Variants in CPN1 observed in about 807,000 individuals in gnomAD.
CPN1 encodes carboxypeptidase N catalytic chain.
A neutral mutation model predicts 46.4 loss-of-function variants in CPN1; 37 were observed. The ratio of observed to expected loss-of-function variants is 0.80; its 90% CI spans 0.61 to 1.05. The LOEUF (loss-of-function observed/expected upper bound fraction) is 1.05, where lower values mean the gene tolerates loss of function less well. Ranked by LOEUF, CPN1 falls within the 50% of genes least tolerant of loss-of-function variation. The pLI is 0.00. For synonymous variants in CPN1, 224 were observed against 235.4 expected, an observed-to-expected ratio of 0.95 and a Z score of 0.44; for missense variants, 563 against 602.6, an observed-to-expected ratio of 0.93 and a Z score of 0.69.
intron 2 of CPN1, 112 bp downstream of exon 2, chr10:100,075,793 TCTTTTA>T (rs1276151222): frequency 1.1e-5 from 13 of 1,133,816 alleles, no homozygotes; most frequent in Non-Finnish European, 1.7e-5. Flanking sequence ...GGCCATTTCA[TCTTTTA>T]CTTTTAACAT....
At position 100,045,276 on chromosome 10, in the gene CPN1, T is replaced by G. The variant is rs368066791; in HGVS notation, c.1231-2703A>C. Among the ~76,000 whole-genome samples the G allele has an allele frequency of 1.7e-3, 257 of 152,312 alleles. 2 individuals carry two copies. Among genetic ancestry groups the G allele is most frequent in the African/African-American group, 5.9e-3 (245 of 41,580 alleles). On this transcript the variant is annotated intron_variant, in intron 8 of 8. Transcript: ENST00000370418. ...CAAGAGGACGTGCAGTTGTTTGAAT[T>G]TGGCGTTGAACAGACTTGCTGGTAA...
intron 8 of CPN1, among the ~76,000 whole-genome samples, chr10:100,044,706 A>T (rs2041297964): frequency 6.7e-6 from 1 of 149,390 alleles, no homozygotes; most frequent in African/African-American, 2.5e-5. Flanking sequence ...ACTCTGTAGT[A>T]AACAATCTTT....
intron 6 of CPN1, 81 bp from the exon 7 acceptor site, chr10:100,054,527 C>G: frequency 3.4e-6 from 4 of 1,181,098 alleles, no homozygotes; most frequent in Non-Finnish European, 5.1e-6. Context: ...AGCCCTTTCT[C>G]TTATGTTTTT....
intron 5 of CPN1, among the ~76,000 whole-genome samples, chr10:100,061,864 C>T (rs963177867): frequency 5.3e-5 from 8 of 152,084 alleles, no homozygotes; most frequent in Middle Eastern, 3.2e-3. Context: ...TTTTCAGAGA[C>T]AGGGTCTCGC....
chr10:100,075,540 C>T (rs1357953291), intron 2 of CPN1, among the ~76,000 whole-genome samples: 5 of 152,200 alleles, frequency 3.3e-5, no homozygotes, highest in Admixed American at 3.3e-4. Flanking sequence ...GGGTTTGATG[C>T]TGAAAGTCCA....
intron 7 of CPN1, among the ~76,000 whole-genome samples, chr10:100,053,948 C>T (rs2041369694): frequency 6.6e-6 from 1 of 152,098 alleles, no homozygotes; most frequent in African/African-American, 2.4e-5. Context: ...ACAAGGCTAA[C>T]TATCTGTTTC....
rs1452212991 is a variant in CPN1 at position 100,075,948 on chromosome 10, G to A, written c.383C>T (p.Ser128Phe). 4 of 1,614,032 alleles carry A rather than the reference G, an allele frequency of 2.5e-6. No homozygotes were observed. Among genetic ancestry groups the A allele is most frequent in the Non-Finnish European group, 2.5e-6 (3 of 1,180,042 alleles). The change falls in exon 2 of 9, where the codon TCC (serine) becomes TTC (phenylalanine). Residue 128 changes from serine to phenylalanine, a missense_variant. Ser to Phe is a radical substitution (Grantham distance 155). Coordinates refer to ENST00000370418, the MANE Select transcript of CPN1 (RefSeq NM_001308.3). The part of the protein sequence containing the change: ...IQDTRIHILP[S>F]MNPDGYEVAA... Reference sequence around the variant, plus strand: ...CACCTCGTAGCCGTCGGGGTTCATGGATGGCAGGATGTGAATGCGCGTGTC... The same window carrying A: ...CACCTCGTAGCCGTCGGGGTTCATGAATGGCAGGATGTGAATGCGCGTGTC...
chr10:100,054,128 A>G (rs1273559922), intron 7 of CPN1, among the ~76,000 whole-genome samples: 1 of 152,210 alleles, frequency 6.6e-6, no homozygotes, highest in East Asian at 1.9e-4. Flanking sequence ...TGCTTGCATC[A>G]GAAGCAAAAG....
chr10:100,060,208 C>T (rs571971811), intron 5 of CPN1, among the ~76,000 whole-genome samples: 15 of 152,184 alleles, frequency 9.9e-5, no homozygotes, highest in East Asian at 7.7e-4. Flanking sequence ...CTTAATAATA[C>T]GGAATCATAT....
chr10:100,054,718 T>G (rs1351753571), intron 6 of CPN1, among the ~76,000 whole-genome samples: 1 of 152,162 alleles, frequency 6.6e-6, no homozygotes, highest in Non-Finnish European at 1.5e-5. Flanking sequence ...CTAAAGTTCT[T>G]GTGATGGTCT....
chr10:100,076,229 T>C lies in CPN1; in HGVS notation c.224-122A>G, dbSNP rs1315922596. On this transcript the variant is annotated intron_variant, in intron 1 of 8. Coordinates refer to ENST00000370418, the MANE Select transcript of CPN1 (RefSeq NM_001308.3). ...GAAAATCTCATGCTTTCATTGGGTC[T>C]TTTGCAATAATCCCTGAGCCCCTTC... is the stretch of plus-strand genomic sequence containing the variant. 13 of 951,048 alleles carry C rather than the reference T, an allele frequency of 1.4e-5. 1 individual carries two copies. The South Asian group carries it at 1.8e-4, about 13-fold the overall frequency. 58.9% of individuals were successfully genotyped at this position (951,048 alleles called of 1,614,324 possible).
Position 100,069,744 on chromosome 10 carries a change from G to T in CPN1, c.546C>A (p.His182Gln), listed in dbSNP as rs761878087. The change falls in exon 3 of 9, where the codon CAC becomes CAA. Residue 182 changes from histidine (H) to glutamine (Q), a missense_variant. Physicochemically the swap from His to Gln is conservative, Grantham distance 24. Coordinates refer to ENST00000370418, the MANE Select transcript of CPN1 (RefSeq NM_001308.3). ...YNEKYGGPNH[H>Q]LPLPDNWKSQ... ...TTTTCCAGTTGTCTGGAAGGGGCAG[G>T]TGGTGGTTGGGGCCTCCGTACTTCT... The T allele has an allele frequency of 1.2e-6, 2 of 1,613,930 alleles. No individual in the cohort carries two copies. Among genetic ancestry groups the T allele is most frequent in the South Asian group, 1.1e-5 (1 of 91,058 alleles).
chr10:100,048,832 T>G lies in CPN1; in HGVS notation c.1156A>C (p.Thr386Pro), dbSNP rs772671251. 7 of 1,613,858 alleles carry G rather than the reference T, an allele frequency of 4.3e-6. No individual in the cohort carries two copies. The South Asian group carries it at 7.7e-5, about 18-fold the overall frequency. The change falls in exon 8 of 9, where the codon ACT (threonine) becomes CCT (proline). Residue 386 changes from threonine (T) to proline (P), a missense_variant. By Grantham distance (38) the Thr-to-Pro change is conservative. Coordinates refer to ENST00000370418, the MANE Select transcript of CPN1 (RefSeq NM_001308.3). Reference protein sequence around the residue: ...YFRLLLPGIYTVSATAPGYDP... With the variant: ...YFRLLLPGIYPVSATAPGYDP... ...TACCCAGGTGCTGTGGCACTAACAG[T>G]GTAGATACCTGGAAGCAGCAGCCGG...
intron 2 of CPN1, 107 bp from the exon 3 acceptor site, chr10:100,069,976 G>T: frequency 7.6e-7 from 1 of 1,317,358 alleles, no homozygotes; most frequent in Non-Finnish European, 1.1e-6. Context: ...AGGCTGAAGT[G>T]CAGTGGTACA....
In CPN1 at chr10:100,065,238, C is replaced by T. The variant is rs1358467424; in HGVS notation, c.709G>A (p.Val237Ile). The T allele has an allele frequency of 6.2e-7, 1 of 1,614,078 alleles. No homozygotes were observed. The highest frequency in any genetic ancestry group is 8.5e-7 in the Non-Finnish European group (1 of 1,179,998). Residue 237 changes from valine to isoleucine, a missense_variant, in exon 4 of 9, where the codon GTC becomes ATC. Coordinates refer to ENST00000370418, the MANE Select transcript of CPN1 (RefSeq NM_001308.3). ...GTGGGGGTGCTGGCGGTGCGGCGGA[C>T]CCCTCGGACCCGGTGCTCAAAGGAC... ...DKSFEHRVRG[V>I]RRTASTPTPD...
chr10:100,046,796 G>A lies in CPN1; in HGVS notation c.1230+1962C>T, dbSNP rs142308434. On this transcript the variant is annotated intron_variant, in intron 8 of 8. Transcript: ENST00000370418. Reference sequence around the variant, plus strand: ...TCAAAAAATAAAAATAAAAATGGCCGGGTGCGGTGGCTCACGTCTGTAATC... The same window carrying A: ...TCAAAAAATAAAAATAAAAATGGCCAGGTGCGGTGGCTCACGTCTGTAATC... 2.4e-3 allele frequency among the ~76,000 whole-genome samples: 355 copies of A among 147,732 alleles called. 5 individuals carry two copies. The East Asian group carries it at 0.049, about 20-fold the overall frequency.
chr10:100,042,547 G>A lies in CPN1; in HGVS notation c.1257C>T (p.Ile419=), dbSNP rs370272683. ...CTCTCCTCACAGGGCTTACTTGAGG[G>A]ATGCTTCTTTTGAGGTGGAAGTTAA... is the stretch of plus-strand genomic sequence containing the variant. ...TLVNFHLKRS[I]PQVSPVRRAP... is the part of the protein sequence containing the mutation. The change falls in exon 9 of 9, where the codon ATC becomes ATT. Residue 419 remains isoleucine, a synonymous_variant. Transcript: ENST00000370418. 2 of 1,613,810 alleles carry A rather than the reference G, an allele frequency of 1.2e-6. No homozygotes were observed. The highest frequency in any genetic ancestry group is 2.7e-5 in the African/African-American group (2 of 74,832).
At position 100,054,332 on chromosome 10, in the gene CPN1, G is replaced by A; in HGVS notation, c.1111+15C>T. 1 of 1,598,852 alleles carries A rather than the reference G, an allele frequency of 6.3e-7. No homozygotes were observed. On this transcript the variant is annotated intron_variant, in intron 7 of 8. Coordinates refer to ENST00000370418, the MANE Select transcript of CPN1 (RefSeq NM_001308.3). ...GTTAACGCTTCCTTCTTACCCCTAAGCAGTGACCACCTACCTGAAGTGACA... is the reference window on the plus strand; with the variant it reads ...GTTAACGCTTCCTTCTTACCCCTAAACAGTGACCACCTACCTGAAGTGACA...
chr10:100,052,146 C>G (rs1030028733), intron 7 of CPN1, among the ~76,000 whole-genome samples: 2 of 151,646 alleles, frequency 1.3e-5, no homozygotes, highest in South Asian at 2.1e-4. Context: ...TCTTGCCTAA[C>G]TGCAACCTCC....
Sources: gnomAD v4.1 joint callset for allele counts (sites outside exome capture counted in the v4.1 genomes callset) on GRCh38, gnomAD v4.1.1 for gene constraint, MANE v1.5 for transcripts, NCBI Gene and HGNC (gene_info 2026-07-23, HGNC 2026-07-21) for gene names.